IL3RA: variants seen among roughly 807,000 people sequenced by gnomAD.
The protein encoded by IL3RA is interleukin 3 receptor subunit alpha.
In IL3RA, 73 loss-of-function variants were observed where a neutral mutation model predicts 52.3. The ratio of observed to expected loss-of-function variants is 1.40; its 90% confidence interval spans 1.16 to 1.70. The LOEUF is 1.70. Ranked by LOEUF, IL3RA falls within the 40% of genes most tolerant of loss-of-function variation. The pLI is 0.00. For missense variants in IL3RA, 664 were observed against 504.4 expected (o/e 1.32, Z -3.03); for synonymous variants, 260 against 194.0 (o/e 1.34, Z -2.83).
intron 3 of IL3RA, among the ~76,000 whole-genome samples, chrX:1,347,103 A>G (rs1245666269): frequency 1.8e-4 from 28 of 151,450 alleles, no homozygotes; most frequent in African/African-American, 6.4e-4. Context: ...TGCCTTACCT[A>G]TATCAAAAGG....
At chrX:1,376,930 C>T (rs2088787443) in intron 9 of IL3RA, among the ~76,000 whole-genome samples, 1 of 140,078 alleles carries the variant, frequency 7.1e-6, no homozygotes, top group Non-Finnish European at 1.5e-5. Context: ...CCAGCCCTGC[C>T]CACACCTGGA....
chrX:1,344,203 G>T (rs1276150473), intron 2 of IL3RA, among the ~76,000 whole-genome samples: 3 of 152,058 alleles, frequency 2.0e-5, no homozygotes, highest in Non-Finnish European at 2.9e-5. Context: ...GGAGGCTGAG[G>T]CAGGCAGATC....
intron 10 of IL3RA, 62 bp downstream of exon 10, chrX:1,378,826 A>T: frequency 7.2e-7 from 1 of 1,380,354 alleles, no homozygotes; most frequent in Non-Finnish European, 1.0e-6. Flanking sequence ...AAAGTTATTC[A>T]CAGAACCATC....
intron 3 of IL3RA, among the ~76,000 whole-genome samples, chrX:1,347,073 A>T (rs1473317367): frequency 6.6e-6 from 1 of 151,418 alleles, no homozygotes. Flanking sequence ...TTTGAAAAAG[A>T]AGGTGAATGA....
At chrX:1,338,778 C>G (rs1434158029) in intron 1 of IL3RA, among the ~76,000 whole-genome samples, 2 of 151,498 alleles carry the variant, frequency 1.3e-5, no homozygotes, top group Admixed American at 1.3e-4. Flanking sequence ...CTTTTGGGGT[C>G]GTGACAATGT....
chrX:1,342,840 A>G (rs1245959056), intron 2 of IL3RA, among the ~76,000 whole-genome samples: 4 of 148,324 alleles, frequency 2.7e-5, no homozygotes, highest in Admixed American at 6.7e-5. Context: ...TTGGGAGGCC[A>G]AGGCAGGTGG....
At chrX:1,341,904 C>G in intron 2 of IL3RA, 75 bp downstream of exon 2, 1 of 1,494,992 alleles carries the variant, frequency 6.7e-7, no homozygotes, top group African/African-American at 1.4e-5. Context: ...GTCAGCGTGC[C>G]GTCCTTCAGG....
chrX:1,378,580 G>C, intron 9 of IL3RA, 79 bp from the exon 10 acceptor site: 1 of 1,267,930 alleles, frequency 7.9e-7, no homozygotes, highest in East Asian at 2.5e-5. Context: ...CTGCTTCCCA[G>C]GGCCCCGGGG....
chrX:1,378,684 C>T lies in IL3RA; in HGVS notation c.900C>T (p.Asn300=). The change falls in exon 10 of 12, where the codon AAC becomes AAT. Residue 300 remains asparagine (N), a synonymous_variant. Transcript: ENST00000331035. ...RFECDQEEGA[N]TRAWRTSLLI... ...AGTGCGACCAGGAGGAGGGCGCAAA[C>T]ACACGTGCCTGGCGGACGTCGCTGC... is the stretch of plus-strand genomic sequence containing the variant. The T allele has an allele frequency of 6.2e-7, 1 of 1,612,708 alleles. No individual in the cohort carries two copies. Among genetic ancestry groups the T allele is most frequent in the Non-Finnish European group, 8.5e-7 (1 of 1,179,828 alleles).
Position 1,346,034 on chromosome X carries a change from G to A in IL3RA, c.183+600G>A, listed in dbSNP as rs548839645. Among the ~76,000 whole-genome samples the A allele has an allele frequency of 1.2e-4, 18 of 152,082 alleles. 2 individuals carry two copies. Among genetic ancestry groups the A allele is most frequent in the African/African-American group, 3.6e-4 (15 of 41,398 alleles). On this transcript the variant is annotated intron_variant, in intron 3 of 11. Coordinates refer to ENST00000331035, the MANE Select transcript of IL3RA (RefSeq NM_002183.4). The stretch of plus-strand genomic sequence containing the variant: ...TGACTGGTGCGAAACCCAACCCCAC[G>A]CTGGGCGTGGTGGCTCACGTCTGTA...
chrX:1,368,242 G>T (rs1351729280), intron 9 of IL3RA, among the ~76,000 whole-genome samples: 1 of 151,914 alleles, frequency 6.6e-6, no homozygotes, highest in East Asian at 1.9e-4. Flanking sequence ...CAGCCTGGGC[G>T]ACAAGAGCGA....
intron 9 of IL3RA, among the ~76,000 whole-genome samples, chrX:1,367,581 AGCGGGGTGAGCCGGGTGC>A (rs2088209316): frequency 6.1e-5 from 4 of 65,902 alleles, no homozygotes; most frequent in African/African-American, 2.1e-4. Context: ...GCGCGGGGTG[AGCGGGGTGAGCCGGGTGC>A]GCGGGGTGAG....
intron 9 of IL3RA, among the ~76,000 whole-genome samples, chrX:1,366,553 G>T: frequency 1.9e-5 from 1 of 51,446 alleles, no homozygotes; most frequent in Non-Finnish European, 3.4e-5. Context: ...GGGTGAGCCG[G>T]GTGCGCGGGG....
In IL3RA at chrX:1,348,588, C is replaced by A. The variant is rs748623889; in HGVS notation, c.298+43C>A. 3.4e-5 allele frequency: 46 copies of A among 1,356,684 alleles called. No homozygotes were observed. The South Asian group carries it at 4.9e-4, about 14-fold the overall frequency. The allele number at this position is 1,356,684 out of a possible 1,614,324, so 84.0% of individuals were successfully genotyped here. ...TGTTTGTTTATTCTCTATTCCCTCC[C>A]TCCTTCCCTCTCTCCCTCCCTCTCG... On this transcript the variant is annotated intron_variant, in intron 4 of 11. Transcript: ENST00000331035.
At chrX:1,345,513 G>A (rs1243025822) in intron 3 of IL3RA, 79 bp downstream of exon 3, 14 of 1,019,328 alleles carry the variant, frequency 1.4e-5, no homozygotes, top group African/African-American at 5.1e-5. Flanking sequence ...TTTTTGAGAC[G>A]GAGTCTTGCT....
intron 8 of IL3RA, among the ~76,000 whole-genome samples, chrX:1,363,881 G>T (rs2087694478): frequency 6.6e-6 from 1 of 151,750 alleles, no homozygotes; most frequent in South Asian, 2.1e-4. Context: ...CACCAGGTCA[G>T]CTCATTTAAA....
In IL3RA at chrX:1,345,512, C is replaced by T. The variant is rs1287388002; in HGVS notation, c.183+78C>T. 20 of 1,023,506 alleles carry T rather than the reference C, an allele frequency of 2.0e-5. 1 individual carries two copies. The highest frequency in any genetic ancestry group is 1.0e-4 in the African/African-American group (6 of 58,826). The allele number at this position is 1,023,506 out of a possible 1,614,324, so 63.4% of individuals were successfully genotyped here. On this transcript the variant is annotated intron_variant, in intron 3 of 11. Coordinates refer to ENST00000331035, the MANE Select transcript of IL3RA (RefSeq NM_002183.4). ...TTATGTATTTATTTATTTTTTGAGA[C>T]GGAGTCTTGCTCTGTCGCCCAGGCT...
chrX:1,352,212 C>G lies in IL3RA; in HGVS notation c.411C>G (p.Asp137Glu), dbSNP rs781158001. ...GGGCCCCCGCGGACGTCCAGTACGA[C>G]CTGTACTTGAACGTTGCCAAGTAGG... is the stretch of plus-strand genomic sequence containing the variant. Reference protein sequence around the residue: ...GPGAPADVQYDLYLNVANRRQ... With the variant: ...GPGAPADVQYELYLNVANRRQ... Residue 137 changes from aspartate to glutamate, a missense_variant, in exon 5 of 12, where the codon GAC becomes GAG. Physicochemically the swap from Asp to Glu is conservative, Grantham distance 45. Transcript: ENST00000331035. The G allele has an allele frequency of 1.2e-6, 2 of 1,613,522 alleles. No individual in the cohort carries two copies. Among genetic ancestry groups the G allele is most frequent in the East Asian group, 4.5e-5 (2 of 44,886 alleles).
At position 1,351,970 on chromosome X, in the gene IL3RA, G is replaced by A. The variant is rs2086105895; in HGVS notation, c.299-130G>A. On this transcript the variant is annotated intron_variant, in intron 4 of 11. Coordinates refer to ENST00000331035, the MANE Select transcript of IL3RA (RefSeq NM_002183.4). Reference sequence around the variant, plus strand: ...AGTAGAGATTGGGTTTCTCCATGTTGGCCAGGCTGGTCTCGAACTCCTGAC... The same window carrying A: ...AGTAGAGATTGGGTTTCTCCATGTTAGCCAGGCTGGTCTCGAACTCCTGAC... 12 of 1,128,092 alleles carry A rather than the reference G, an allele frequency of 1.1e-5. No homozygotes were observed. The South Asian group carries it at 1.7e-4, about 16-fold the overall frequency. 69.9% of individuals were successfully genotyped at this position (1,128,092 alleles called of 1,614,324 possible).
Sources: allele counts gnomAD v4.1 joint callset (sites outside exome capture counted in the v4.1 genomes callset), GRCh38; gene constraint gnomAD v4.1.1; transcripts MANE v1.5; gene names NCBI Gene and HGNC (gene_info 2026-07-23, HGNC 2026-07-21).